KSR2: variants seen among roughly 807,000 people sequenced by gnomAD.
The protein encoded by KSR2 is kinase suppressor of ras 2.
A neutral mutation model predicts 107.8 loss-of-function variants in KSR2; 25 were observed. That is an observed-to-expected ratio of 0.23 (90% CI 0.17 to 0.32). The LOEUF is 0.32. Among genes scored for constraint, KSR2 ranks in the 10% least tolerant of loss-of-function variants. KSR2 has a pLI of 1.00. For synonymous variants in KSR2, 480 were observed against 507.0 expected, an observed-to-expected ratio of 0.95 and a Z score of 0.71; for missense variants, 887 against 1,268.9, an observed-to-expected ratio of 0.70 and a Z score of 4.57.
intron 7 of KSR2, among the ~76,000 whole-genome samples, chr12:117,564,441 T>C (rs1024474875): frequency 2.1e-5 from 3 of 145,208 alleles, no homozygotes; most frequent in African/African-American, 7.4e-5. Flanking sequence ...GGCAGGGATA[T>C]GACCCACTCT....
intron 4 of KSR2, among the ~76,000 whole-genome samples, chr12:117,727,449 AAAGGAGGAGGAAGAGGAGGAGAAAGAAG>A (rs1389391153): frequency 4.1e-5 from 6 of 146,322 alleles, no homozygotes; most frequent in East Asian, 2.0e-4. Flanking sequence ...AGGAGGAACA[AAAGGAGGAGGAAGAGGAGGAGAAAGAAG>A]AAGGAGGAGG....
intron 1 of KSR2, among the ~76,000 whole-genome samples, chr12:117,955,747 T>C (rs1896491589): frequency 6.6e-6 from 1 of 151,880 alleles, no homozygotes. Flanking sequence ...AAGATTTCTA[T>C]TATGGCAAAA....
intron 1 of KSR2, among the ~76,000 whole-genome samples, chr12:117,944,308 G>A (rs904030350): frequency 3.3e-5 from 5 of 152,174 alleles, no homozygotes; most frequent in South Asian, 4.1e-4. Flanking sequence ...CCCGGGAGAC[G>A]GAGGTTGCGG....
intron 1 of KSR2, among the ~76,000 whole-genome samples, chr12:117,917,870 G>A (rs1895229228): frequency 1.3e-5 from 2 of 152,166 alleles, no homozygotes; most frequent in Admixed American, 1.3e-4. Flanking sequence ...TTTTGCTTTA[G>A]TTACTAGACT....
chr12:117,560,363 G>C (rs1268530085), intron 7 of KSR2, among the ~76,000 whole-genome samples: 1 of 151,812 alleles, frequency 6.6e-6, no homozygotes, highest in African/African-American at 2.4e-5. Flanking sequence ...GGCTCTGATG[G>C]GGCTCTGAAT....
At chr12:117,549,260 C>T (rs1403408774) in intron 9 of KSR2, among the ~76,000 whole-genome samples, 2 of 152,134 alleles carry the variant, frequency 1.3e-5, no homozygotes, top group East Asian at 1.9e-4. Context: ...AAAGAAGCTC[C>T]CACTTGGCCC....
At position 117,761,214 on chromosome 12, in the gene KSR2, C is replaced by T. The variant is rs778155102; in HGVS notation, c.783G>A (p.Pro261=). The T allele has an allele frequency of 1.3e-6, 2 of 1,564,060 alleles. No homozygotes were observed. The highest frequency in any genetic ancestry group is 1.9e-5 in the Admixed American group (1 of 53,866). Residue 261 remains proline (P), a synonymous_variant, in exon 4 of 20, where the codon CCG becomes CCA. Coordinates refer to ENST00000339824, the MANE Select transcript of KSR2 (RefSeq NM_173598.6). ...SPRQRHAVRT[P]PRTPNIVTTV... is the part of the protein sequence containing the mutation. Reference sequence around the variant, plus strand: ...TGGTGACGATGTTGGGGGTGCGCGGCGGGGTGCGGACCGCGTGCCGCTGCC... The same window carrying T: ...TGGTGACGATGTTGGGGGTGCGCGGTGGGGTGCGGACCGCGTGCCGCTGCC...
chr12:117,890,106 G>A (rs1282478216), intron 1 of KSR2, among the ~76,000 whole-genome samples: 2 of 152,192 alleles, frequency 1.3e-5, no homozygotes, highest in African/African-American at 2.4e-5. Context: ...AAGTTCCCAG[G>A]TGATGCTGAT....
intron 3 of KSR2, among the ~76,000 whole-genome samples, chr12:117,768,534 G>A (rs76645894): frequency 0.044 from 6,683 of 152,266 alleles, 272 homozygotes; most frequent in African/African-American, 0.1. Flanking sequence ...CAGGGCTCCT[G>A]TGTGTAGGGA....
intron 3 of KSR2, among the ~76,000 whole-genome samples, chr12:117,786,546 T>C (rs570957089): frequency 2.0e-5 from 3 of 152,176 alleles, no homozygotes; most frequent in Non-Finnish European, 2.9e-5. Flanking sequence ...CTGGGCATGA[T>C]GGCTCACGGC....
In KSR2 at chr12:117,958,538, G is replaced by C. The variant is rs188179383; in HGVS notation, c.180+9538C>G. ...AGAATTTTGGTTAAAGAAATGATGG[G>C]GGCCGGGCATGGTGGCTCAGGTCTG... On this transcript the variant is annotated intron_variant, in intron 1 of 19. Coordinates refer to ENST00000339824, the MANE Select transcript of KSR2 (RefSeq NM_173598.6). Among the ~76,000 whole-genome samples the C allele has an allele frequency of 4.9e-3, 742 of 152,162 alleles. 5 individuals carry two copies. Among genetic ancestry groups the C allele is most frequent in the African/African-American group, 0.017 (696 of 41,522 alleles).
At chr12:117,850,159 C>T (rs999782282) in intron 3 of KSR2, among the ~76,000 whole-genome samples, 1 of 152,192 alleles carries the variant, frequency 6.6e-6, no homozygotes, top group Non-Finnish European at 1.5e-5. Flanking sequence ...CTCACTGGTT[C>T]CCCCTGGTGG....
intron 1 of KSR2, among the ~76,000 whole-genome samples, chr12:117,911,939 T>C (rs1350473621): frequency 6.6e-6 from 1 of 152,216 alleles, no homozygotes; most frequent in Admixed American, 6.5e-5. Context: ...GGACCTCAAA[T>C]TTAGACATCT....
chr12:117,495,095 G>T (rs549977427), intron 14 of KSR2, among the ~76,000 whole-genome samples: 4 of 152,228 alleles, frequency 2.6e-5, no homozygotes, highest in Non-Finnish European at 5.9e-5. Context: ...AAGGCAGTTG[G>T]TTTCAAAGTC....
At chr12:117,768,306 G>T (rs1310637921) in intron 3 of KSR2, among the ~76,000 whole-genome samples, 2 of 152,206 alleles carry the variant, frequency 1.3e-5, no homozygotes, top group South Asian at 2.1e-4. Flanking sequence ...CATACCAGGG[G>T]AGGGGCTGGT....
intron 4 of KSR2, among the ~76,000 whole-genome samples, chr12:117,727,061 A>G (rs1887458528): frequency 6.6e-6 from 1 of 152,102 alleles, no homozygotes; most frequent in Non-Finnish European, 1.5e-5. Flanking sequence ...GATGAGCTCT[A>G]AATCTAATGA....
intron 14 of KSR2, 102 bp downstream of exon 14, chr12:117,524,750 G>T: frequency 7.5e-7 from 1 of 1,324,994 alleles, no homozygotes. Context: ...AACTAGAGAT[G>T]GTCTATTAAC....
chr12:117,489,565 A>AAAG (rs1872641980), intron 14 of KSR2, among the ~76,000 whole-genome samples: 1 of 151,946 alleles, frequency 6.6e-6, no homozygotes, highest in Admixed American at 6.6e-5. Context: ...AAAAAAAAAA[A>AAAG]AAGTAAGCAG....
intron 4 of KSR2, among the ~76,000 whole-genome samples, chr12:117,678,102 A>ATTTTT (rs35096843): frequency 6.3e-5 from 8 of 127,546 alleles, no homozygotes; most frequent in African/African-American, 2.9e-5. Context: ...AGCCCAGCTA[A>ATTTTT]TTTTTTTTTT....
Sources: gnomAD v4.1 joint callset for allele counts (sites outside exome capture counted in the v4.1 genomes callset) on GRCh38, gnomAD v4.1.1 for gene constraint, MANE v1.5 for transcripts, NCBI Gene and HGNC (gene_info 2026-07-23, HGNC 2026-07-21) for gene names.